TRHDE: variants seen among roughly 807,000 people sequenced by gnomAD.
TRHDE encodes the protein thyrotropin releasing hormone degrading enzyme, also known as thyrotropin-releasing hormone-degrading ectoenzyme.
Under a neutral mutation model 125.7 loss-of-function variants are expected in TRHDE, and 72 were observed. That is an observed-to-expected ratio of 0.57 (90% CI 0.47 to 0.70). The LOEUF (loss-of-function observed/expected upper bound fraction) is 0.70, where lower values mean the gene tolerates loss of function less well. TRHDE is among the 30% of genes least tolerant of loss of function. TRHDE has a pLI of 0.00. For missense variants in TRHDE, 1,110 were observed against 1,327.1 expected (o/e 0.84, Z 2.54); for synonymous variants, 509 against 509.1 (o/e 1.00, Z 0.00).
At chr12:72,337,488 G>A (rs924425980) in intron 2 of TRHDE, among the ~76,000 whole-genome samples, 10 of 152,140 alleles carry the variant, frequency 6.6e-5, no homozygotes, top group African/African-American at 2.2e-4. Context: ...CAGAGACAGC[G>A]AGTAGTTTCT....
At chr12:72,395,766 AC>A (rs1438454939) in intron 3 of TRHDE, among the ~76,000 whole-genome samples, 5 of 152,212 alleles carry the variant, frequency 3.3e-5, no homozygotes, top group African/African-American at 1.2e-4. Context: ...ATTTATGACT[AC>A]ATAGTAAAGT....
At chr12:72,138,750 C>T (rs1039270616) in intron 2 of TRHDE, among the ~76,000 whole-genome samples, 5 of 152,164 alleles carry the variant, frequency 3.3e-5, no homozygotes, top group African/African-American at 9.7e-5. Flanking sequence ...GAAGATATTC[C>T]GTTGTCCAGT....
At position 72,226,636 on chromosome 12, in the gene TRHDE, G is replaced by A. The variant is rs1458367530; in HGVS notation, n.279+120884G>A. Reference sequence around the variant, plus strand: ...ATTTGTGAATTCCAGAGACCAAATAGTAGTTATTTGACTTACTGCAATGAA... The same window carrying A: ...ATTTGTGAATTCCAGAGACCAAATAATAGTTATTTGACTTACTGCAATGAA... On this transcript the variant is annotated intron_variant and non_coding_transcript_variant, in intron 2 of 4. Transcript: ENST00000548156. Among the ~76,000 whole-genome samples the A allele has an allele frequency of 2.0e-5, 3 of 152,168 alleles. No individual in the cohort carries two copies. The East Asian group carries it at 5.8e-4, about 29-fold the overall frequency.
chr12:72,524,774 A>G (rs1868304307), intron 6 of TRHDE, among the ~76,000 whole-genome samples: 2 of 152,168 alleles, frequency 1.3e-5, no homozygotes, highest in Admixed American at 1.3e-4. Context: ...GTGTCAGAAC[A>G]CATGAGATGT....
intron 12 of TRHDE, among the ~76,000 whole-genome samples, chr12:72,589,630 T>G (rs1439037630): frequency 6.6e-6 from 1 of 152,168 alleles, no homozygotes; most frequent in African/African-American, 2.4e-5. Context: ...AAATTTTGTT[T>G]CTTCTTGAGT....
At chr12:72,241,686 G>A (rs117086443) in intron 2 of TRHDE, among the ~76,000 whole-genome samples, 1,629 of 152,280 alleles carry the variant, frequency 0.011, 19 homozygotes, top group Middle Eastern at 0.051. Context: ...TGGCCATAGA[G>A]TAAGTGTATA....
At chr12:72,349,169 T>C (rs1870468621) in intron 2 of TRHDE, among the ~76,000 whole-genome samples, 1 of 152,116 alleles carries the variant, frequency 6.6e-6, no homozygotes, top group African/African-American at 2.4e-5. Flanking sequence ...TAAGCATGCA[T>C]TTCTGCCATT....
intron 3 of TRHDE, among the ~76,000 whole-genome samples, chr12:72,411,134 C>T (rs1418197709): frequency 6.9e-6 from 1 of 145,374 alleles, no homozygotes; most frequent in African/African-American, 2.6e-5. Context: ...ACCCAGGAGG[C>T]GGAGCTTGCA....
At chr12:72,128,949 G>A (rs1875789183) in intron 2 of TRHDE, among the ~76,000 whole-genome samples, 1 of 152,066 alleles carries the variant, frequency 6.6e-6, no homozygotes, top group South Asian at 2.1e-4. Flanking sequence ...GAACGCTAGT[G>A]AAAGAAAGAG....
chr12:72,427,478 T>C (rs1355888917), intron 3 of TRHDE, among the ~76,000 whole-genome samples: 4 of 152,126 alleles, frequency 2.6e-5, no homozygotes, highest in East Asian at 1.9e-4. Flanking sequence ...AGAGGACTCA[T>C]TGGTTTTTAC....
chr12:72,442,827 A>T (rs975678593), intron 3 of TRHDE, among the ~76,000 whole-genome samples: 1 of 151,838 alleles, frequency 6.6e-6, no homozygotes, highest in Non-Finnish European at 1.5e-5. Flanking sequence ...CTGCCTTCAT[A>T]TCAGTCATCC....
chr12:72,189,146 T>C (rs1447867982), intron 2 of TRHDE, among the ~76,000 whole-genome samples: 5 of 152,224 alleles, frequency 3.3e-5, no homozygotes, highest in Non-Finnish European at 7.3e-5. Flanking sequence ...AGTGCAATGA[T>C]TGTCAGTAAA....
At chr12:72,112,815 G>A (rs1490311302) in intron 2 of TRHDE, among the ~76,000 whole-genome samples, 2 of 152,074 alleles carry the variant, frequency 1.3e-5, no homozygotes, top group East Asian at 3.9e-4. Flanking sequence ...TGACTTAGAG[G>A]CTTTGTCTCC....
intron 12 of TRHDE, among the ~76,000 whole-genome samples, chr12:72,613,168 T>C (rs910657164): frequency 2.0e-5 from 3 of 152,178 alleles, no homozygotes; most frequent in Non-Finnish European, 4.4e-5. Flanking sequence ...AATAACACTA[T>C]TGCTTCTAGG....
At chr12:72,329,626 C>T (rs780862787) in intron 2 of TRHDE, among the ~76,000 whole-genome samples, 1 of 152,126 alleles carries the variant, frequency 6.6e-6, no homozygotes, top group Non-Finnish European at 1.5e-5. Context: ...TATTACATCA[C>T]AGGTTGCATT....
chr12:72,631,330 C>T (rs1385762572), intron 15 of TRHDE, among the ~76,000 whole-genome samples: 2 of 151,724 alleles, frequency 1.3e-5, no homozygotes, highest in Non-Finnish European at 2.9e-5. Context: ...TAATTTGTAA[C>T]TTTTTCATTC....
chr12:72,608,919 G>A (rs940740737), intron 12 of TRHDE, among the ~76,000 whole-genome samples: 2 of 152,054 alleles, frequency 1.3e-5, no homozygotes, highest in African/African-American at 4.8e-5. Context: ...ATATGAACCT[G>A]GGGGGGTTAG....
chr12:72,549,908 T>C (rs1338863713), intron 7 of TRHDE, among the ~76,000 whole-genome samples: 2 of 151,774 alleles, frequency 1.3e-5, no homozygotes, highest in Non-Finnish European at 2.9e-5. Context: ...AATTTAAAGG[T>C]TGTTAACCGA....
intron 2 of TRHDE, among the ~76,000 whole-genome samples, chr12:72,154,023 T>TGGAGTCTAAGTCTCTTTGTA (rs1364376201): frequency 6.7e-6 from 1 of 149,562 alleles, no homozygotes; most frequent in East Asian, 2.0e-4. Flanking sequence ...ATTATTGTGT[T>TGGAGTCTAAGTCTCTTTGTA]GGAGTCTAAG....
Sources: allele counts gnomAD v4.1 joint callset (sites outside exome capture counted in the v4.1 genomes callset), GRCh38; gene constraint gnomAD v4.1.1; transcripts MANE v1.5; gene names NCBI Gene and HGNC (gene_info 2026-07-23, HGNC 2026-07-21).